Variants in SLC36A1 observed in about 807,000 individuals in gnomAD.
The protein encoded by SLC36A1 is solute carrier family 36 member 1.
In SLC36A1, 30 loss-of-function variants were observed where a neutral mutation model predicts 47.5. That is an observed-to-expected ratio of 0.63 (90% CI 0.47 to 0.86). The LOEUF is 0.86. SLC36A1 is among the 40% of genes least tolerant of loss of function. The pLI is 0.00. For missense variants in SLC36A1, 517 were observed against 606.0 expected, an observed-to-expected ratio of 0.85 and a Z score of 1.54; for synonymous variants, 255 against 249.7, an observed-to-expected ratio of 1.02 and a Z score of -0.20.
At chr5:151,525,352 C>G in the SLC36A1 span, among the ~76,000 whole-genome samples, 4 of 152,202 alleles carry the variant, frequency 2.6e-5, no homozygotes, top group Admixed American at 2.6e-4. Context: ...CAAGCCAGTT[C>G]TCTGAGGTAG....
intron 10 of SLC36A1, among the ~76,000 whole-genome samples, chr5:151,485,443 G>T (rs1378063678): frequency 1.3e-5 from 2 of 152,132 alleles, no homozygotes; most frequent in African/African-American, 4.8e-5. Context: ...TCGTGTGCTG[G>T]GTTCTCCACC....
chr5:151,421,750 C>T, the SLC36A1 span, among the ~76,000 whole-genome samples: 1 of 151,704 alleles, frequency 6.6e-6, no homozygotes, highest in Non-Finnish European at 1.5e-5. Flanking sequence ...GCCACCATGC[C>T]CAGCTAATTT....
the SLC36A1 span, among the ~76,000 whole-genome samples, chr5:151,533,396 ACACACAC>A: frequency 2.7e-4 from 19 of 70,216 alleles, no homozygotes; most frequent in East Asian, 1.8e-3. Flanking sequence ...TATCTCCAAC[ACACACAC>A]ACACACACAC....
the SLC36A1 span, among the ~76,000 whole-genome samples, chr5:151,499,819 C>T: frequency 6.6e-6 from 1 of 150,542 alleles, no homozygotes; most frequent in African/African-American, 2.5e-5. Flanking sequence ...CACCGTTTGT[C>T]CTGGCAAATC....
chr5:151,431,728 TG>T, the SLC36A1 span, among the ~76,000 whole-genome samples: 1 of 152,296 alleles, frequency 6.6e-6, no homozygotes, highest in East Asian at 1.9e-4. Flanking sequence ...GCCATGACTG[TG>T]GGGCCTTCCC....
At chr5:151,402,790 AT>A in the SLC36A1 span, among the ~76,000 whole-genome samples, 771 of 152,120 alleles carry the variant, frequency 5.1e-3, 8 homozygotes, top group African/African-American at 0.018. Flanking sequence ...TAGTTTGTGT[AT>A]TTAGAGGTGT....
chr5:151,531,213 C>CTTA, the SLC36A1 span, among the ~76,000 whole-genome samples: 1 of 152,112 alleles, frequency 6.6e-6, no homozygotes, highest in South Asian at 2.1e-4. This position sits in a 1 kb window ranked among gnomAD's most constrained non-coding sequence, Gnocchi z 5.7. Flanking sequence ...TCCAGGGTTG[C>CTTA]TTAAGCCCCA....
At chr5:151,505,665 G>GC in the SLC36A1 span, 1 of 1,614,018 alleles carries the variant, frequency 6.2e-7, no homozygotes, top group Non-Finnish European at 8.5e-7. Flanking sequence ...TGCAAGAGGT[G>GC]CCCCCTCCAC....
chr5:151,476,140 G>A (rs1273690913), intron 8 of SLC36A1, among the ~76,000 whole-genome samples: 1 of 152,262 alleles, frequency 6.6e-6, no homozygotes, highest in African/African-American at 2.4e-5. Context: ...GCTTGCCCCT[G>A]TTGAGCTAGA....
the SLC36A1 span, among the ~76,000 whole-genome samples, chr5:151,503,464 A>G: frequency 6.7e-6 from 1 of 149,524 alleles, no homozygotes; most frequent in Admixed American, 6.6e-5. Context: ...TGGGCTTGGA[A>G]TCAAACCTGT....
At chr5:151,480,905 A>G (rs1455371044) in intron 10 of SLC36A1, among the ~76,000 whole-genome samples, 1 of 152,228 alleles carries the variant, frequency 6.6e-6, no homozygotes, top group Non-Finnish European at 1.5e-5. Context: ...CCCTCCGGAA[A>G]AAGTAGGTCT....
At chr5:151,380,661 A>C in the SLC36A1 span, 1 of 552,656 alleles carries the variant, frequency 1.8e-6, no homozygotes, top group Non-Finnish European at 3.7e-6. Flanking sequence ...ACCCAGCCCT[A>C]GTCAAAGATC....
the SLC36A1 span, chr5:151,542,885 C>A: frequency 2.5e-6 from 4 of 1,614,084 alleles, no homozygotes; most frequent in African/African-American, 4.0e-5. Flanking sequence ...ACCTTTATGA[C>A]CCCTGTGTCT....
At chr5:151,358,678 A>G in the SLC36A1 span, among the ~76,000 whole-genome samples, 10 of 152,214 alleles carry the variant, frequency 6.6e-5, no homozygotes, top group Admixed American at 5.9e-4. Context: ...AAGCTGGTTA[A>G]AGTGTTGATT....
the SLC36A1 span, among the ~76,000 whole-genome samples, chr5:151,515,344 C>G: frequency 6.6e-6 from 1 of 152,232 alleles, no homozygotes. Context: ...TTGGCCTACT[C>G]TCTCTTCAAT....
At chr5:151,554,269 G>T in the SLC36A1 span, 1 of 1,161,624 alleles carries the variant, frequency 8.6e-7, no homozygotes, top group Non-Finnish European at 1.2e-6. Context: ...TTTCCCTTAT[G>T]CTGGTGGGCT....
chr5:151,477,655 T>C (rs1056607677), intron 9 of SLC36A1: 2 of 152,228 alleles, frequency 1.3e-5, no homozygotes, highest in African/African-American at 4.8e-5. Context: ...TATATATGGA[T>C]GCAGTATGTG....
intron 5 of SLC36A1, among the ~76,000 whole-genome samples, chr5:151,465,968 T>C (rs918527912): frequency 6.6e-5 from 10 of 151,540 alleles, no homozygotes; most frequent in Non-Finnish European, 1.2e-4. Flanking sequence ...AGAACCACAT[T>C]AAAACTATGT....
At chr5:151,411,194 G>T in the SLC36A1 span, among the ~76,000 whole-genome samples, 1 of 144,820 alleles carries the variant, frequency 6.9e-6, no homozygotes, top group African/African-American at 2.5e-5. Flanking sequence ...CTCATCCATG[G>T]TGGGTGTCAG....
Sources: allele counts gnomAD v4.1 joint callset (sites outside exome capture counted in the v4.1 genomes callset), GRCh38; gene constraint gnomAD v4.1.1; non-coding constraint Gnocchi (gnomAD v3.1); transcripts MANE v1.5; gene names NCBI Gene and HGNC (gene_info 2026-07-23, HGNC 2026-07-21).